MTA3: variants seen among roughly 807,000 people sequenced by gnomAD.
MTA3 encodes metastasis-associated protein MTA3.
A neutral mutation model predicts 83.5 loss-of-function variants in MTA3; 34 were observed. The observed-to-expected ratio is 0.41, with a 90% CI of 0.31 to 0.54. The LOEUF is 0.54. Among genes scored for constraint, MTA3 ranks in the 20% least tolerant of loss-of-function variants. The pLI, the probability that MTA3 is intolerant of heterozygous loss-of-function variation, is 0.33. For missense variants in MTA3, 761 were observed against 726.4 expected, an observed-to-expected ratio of 1.05 and a Z score of -0.55; for synonymous variants, 303 against 252.7, an observed-to-expected ratio of 1.20 and a Z score of -1.89.
rs1239195309 is a variant in MTA3 at position 42,682,805 on chromosome 2, G to A, written c.891+216G>A. On this transcript the variant is annotated intron_variant, in intron 9 of 16. Coordinates refer to ENST00000405094, the MANE Select transcript of MTA3 (RefSeq NM_001330442.2). Reference sequence around the variant, plus strand: ...CCACGCTATCAGGCCGGGTACGGTGGCTCACGTCTGTAATTCCAGGACTTT... The same window carrying A: ...CCACGCTATCAGGCCGGGTACGGTGACTCACGTCTGTAATTCCAGGACTTT... 1.3e-5 allele frequency: 6 copies of A among 474,260 alleles called. No homozygotes were observed. In the East Asian group the frequency reaches 1.4e-4, roughly 11 times the overall value. 29.4% of individuals were successfully genotyped at this position (474,260 alleles called of 1,614,324 possible). A position where few individuals can be genotyped will look rare whatever the true frequency, so the allele number is the denominator to read the frequency against.
chr2:42,708,966 C>A lies in MTA3; in HGVS notation c.1395C>A (p.Arg465=). 1 of 1,614,026 alleles carries A rather than the reference C, an allele frequency of 6.2e-7. No homozygotes were observed. ...GTCCAAAGTCTGCAGTGAAGACCCG[C>A]CAAGCTTTCTTCCTTCATACTACAT... ...TGSPKSAVKT[R]QAFFLHTTYF... Residue 465 remains arginine, a synonymous_variant, in exon 14 of 17, where the codon CGC becomes CGA. Coordinates refer to ENST00000405094, the MANE Select transcript of MTA3 (RefSeq NM_001330442.2).
intron 2 of MTA3, among the ~76,000 whole-genome samples, chr2:42,557,196 T>C (rs1440676528): frequency 1.3e-5 from 2 of 151,954 alleles, no homozygotes; most frequent in Non-Finnish European, 2.9e-5. Flanking sequence ...TGAGCAGATA[T>C]CGCACCACTG....
At chr2:42,608,892 A>G (rs994013823) in intron 3 of MTA3, among the ~76,000 whole-genome samples, 7 of 152,118 alleles carry the variant, frequency 4.6e-5, no homozygotes, top group African/African-American at 1.2e-4. Flanking sequence ...CCGAAAAAAA[A>G]GTGAATTAAT....
chr2:42,549,608 A>AATATATAATATATTATATACATATAC (rs1558429286), intron 2 of MTA3, among the ~76,000 whole-genome samples: 6 of 120,706 alleles, frequency 5.0e-5, no homozygotes, highest in African/African-American at 6.9e-5. Context: ...ATACATATAT[A>AATATATAATATATTATATACATATAC]ATATATAATA....
chr2:42,683,378 G>C (rs111603472), intron 9 of MTA3, among the ~76,000 whole-genome samples: 82 of 152,256 alleles, frequency 5.4e-4, no homozygotes, highest in African/African-American at 1.9e-3. Context: ...TTTGATCTTT[G>C]ATTCTTCTTA....
chr2:42,573,753 C>T (rs1678739216), intron 2 of MTA3, among the ~76,000 whole-genome samples: 1 of 152,056 alleles, frequency 6.6e-6, no homozygotes, highest in African/African-American at 2.4e-5. Context: ...TCAGGTGATC[C>T]ACCCGCCTTG....
chr2:42,597,174 A>C (rs1681901991), intron 3 of MTA3, among the ~76,000 whole-genome samples: 1 of 151,800 alleles, frequency 6.6e-6, no homozygotes, highest in Admixed American at 6.6e-5. Context: ...GGCCTACCAA[A>C]GAATTGGGAT....
chr2:42,714,475 A>T (rs1666883150), intron 14 of MTA3, among the ~76,000 whole-genome samples: 1 of 152,134 alleles, frequency 6.6e-6, no homozygotes, highest in Admixed American at 6.6e-5. Context: ...TTTTATCTTG[A>T]CAGGGTTCTT....
At chr2:42,752,626 C>T (rs1432355665) in intron 16 of MTA3, among the ~76,000 whole-genome samples, 2 of 152,128 alleles carry the variant, frequency 1.3e-5, no homozygotes, top group Non-Finnish European at 2.9e-5. Flanking sequence ...GTTCACTCCC[C>T]TCCTACAAGA....
At chr2:42,495,938 G>T (rs1466781651) in intron 2 of MTA3, among the ~76,000 whole-genome samples, 1 of 152,170 alleles carries the variant, frequency 6.6e-6, no homozygotes, top group Non-Finnish European at 1.5e-5. Context: ...ACGTGAGGAT[G>T]GGGAAAAGTT....
chr2:42,756,038 A>G lies in MTA3; in HGVS notation c.*2639A>G, dbSNP rs1670215721. The G allele has an allele frequency of 4.1e-6, 4 of 982,420 alleles. No homozygotes were observed. The highest frequency in any genetic ancestry group is 4.8e-6 in the Non-Finnish European group (4 of 827,202). 60.9% of individuals were successfully genotyped at this position (982,420 alleles called of 1,614,324 possible). ...GGCCCACCCAGGAAAATGGATTTCA[A>G]GTGGGGGTTTTCATCCAGAGATTTG... On this transcript the variant is annotated 3_prime_UTR_variant, in exon 17 of 17. Coordinates refer to ENST00000405094, the MANE Select transcript of MTA3 (RefSeq NM_001330442.2).
rs868094697 is a variant in MTA3, at chr2:42,704,430, A to G, written c.1150+112A>G. On this transcript the variant is annotated intron_variant, in intron 12 of 16. Transcript: ENST00000405094. The stretch of plus-strand genomic sequence containing the variant: ...ACGGTGCACCTTGGAAGGCACAAGC[A>G]TGTCTCCTCTAAATGAGTAGATGCC... 1.7e-4 allele frequency: 217 copies of G among 1,291,084 alleles called. No homozygotes were observed. The Middle Eastern group carries it at 1.8e-3, about 11-fold the overall frequency. 80.0% of individuals were successfully genotyped at this position (1,291,084 alleles called of 1,614,324 possible). A position where few individuals can be genotyped will look rare whatever the true frequency, so the allele number is the denominator to read the frequency against.
intron 2 of MTA3, among the ~76,000 whole-genome samples, chr2:42,546,397 T>A (rs1466818081): frequency 1.3e-5 from 2 of 152,208 alleles, no homozygotes. Flanking sequence ...CTTGGTTTTC[T>A]GACCCTGAGT....
intron 8 of MTA3, 59 bp from the exon 9 acceptor site, chr2:42,682,342 A>T: frequency 7.8e-7 from 1 of 1,289,948 alleles, no homozygotes; most frequent in Non-Finnish European, 1.1e-6. Flanking sequence ...TTATATTCTT[A>T]CATAATGTAG....
At chr2:42,624,353 C>T (rs933703887) in intron 4 of MTA3, among the ~76,000 whole-genome samples, 6 of 151,438 alleles carry the variant, frequency 4.0e-5, no homozygotes, top group African/African-American at 7.3e-5. Flanking sequence ...TGGAATCTTG[C>T]TCTTGTTGCC....
chr2:42,673,214 C>A (rs1691001621), intron 8 of MTA3, among the ~76,000 whole-genome samples: 1 of 151,424 alleles, frequency 6.6e-6, no homozygotes. Flanking sequence ...TTATTATAAT[C>A]TTCCTCTGCT....
At chr2:42,621,918 A>C (rs1172803389) in intron 4 of MTA3, among the ~76,000 whole-genome samples, 1 of 141,864 alleles carries the variant, frequency 7.0e-6, no homozygotes, top group Non-Finnish European at 1.5e-5. Flanking sequence ...CTCACTTCTC[A>C]GACTGGGCAG....
chr2:42,594,487 C>T (rs895246205), intron 3 of MTA3, among the ~76,000 whole-genome samples: 2 of 150,608 alleles, frequency 1.3e-5, no homozygotes, highest in African/African-American at 4.9e-5. Flanking sequence ...ATCCACCCAA[C>T]TCGGACTCCC....
chr2:42,641,741 C>T (rs1167017890), intron 5 of MTA3, among the ~76,000 whole-genome samples: 3 of 152,054 alleles, frequency 2.0e-5, no homozygotes, highest in Non-Finnish European at 4.4e-5. Flanking sequence ...TGGCGCATGC[C>T]TGTAATCCCA....
Sources: allele counts gnomAD v4.1 joint callset (sites outside exome capture counted in the v4.1 genomes callset), GRCh38; gene constraint gnomAD v4.1.1; transcripts MANE v1.5; gene names NCBI Gene and HGNC (gene_info 2026-07-23, HGNC 2026-07-21).